The following CDH22 variants were observed in gnomAD, a reference collection of about 807,000 sequenced individuals.
The protein encoded by CDH22 is cadherin 22.
In CDH22, 30 loss-of-function variants were observed where a neutral mutation model predicts 58.4. The observed-to-expected ratio is 0.51, with a 90% CI of 0.38 to 0.70. CDH22 has a LOEUF of 0.70. CDH22 is among the 30% of genes least tolerant of loss of function. The probability of loss-of-function intolerance (pLI) is 0.00; values close to 1 mark genes in which losing one functional copy is unlikely to be tolerated. For synonymous variants in CDH22, 513 were observed against 558.2 expected (o/e 0.92, Z 1.14); for missense variants, 1,014 against 1,233.9 (o/e 0.82, Z 2.67).
intron 2 of CDH22, among the ~76,000 whole-genome samples, chr20:46,250,721 G>C (rs1445954008): frequency 1.3e-5 from 2 of 152,214 alleles, no homozygotes; most frequent in Non-Finnish European, 2.9e-5. Context: ...AAGCAGAGTG[G>C]AGCAGCTAGA....
At chr20:46,204,479 G>A (rs2085985555) in intron 7 of CDH22, among the ~76,000 whole-genome samples, 1 of 151,150 alleles carries the variant, frequency 6.6e-6, no homozygotes, top group Non-Finnish European at 1.5e-5. Context: ...TCGGACAAGT[G>A]ACTACCAAGA....
At chr20:46,182,648 G>A (rs894984212) in intron 10 of CDH22, among the ~76,000 whole-genome samples, 1 of 152,200 alleles carries the variant, frequency 6.6e-6, no homozygotes, top group Non-Finnish European at 1.5e-5. Flanking sequence ...GGCTTCAGTT[G>A]GGGAAGCCTC....
rs1006083266 is a variant in CDH22 at position 46,174,289 on chromosome 20, C to T, written c.*217G>A. The stretch of plus-strand genomic sequence containing the variant: ...GCCCGGTCTCGCCTCAGTTTTAATG[C>T]CGTTGGTCAGAATCCCGCACCTCTG... On this transcript the variant is annotated 3_prime_UTR_variant, in exon 12 of 12. Coordinates refer to ENST00000537909, the MANE Select transcript of CDH22 (RefSeq NM_021248.3). This position sits in a 1 kb window ranked among gnomAD's most constrained non-coding sequence, Gnocchi z 4.4. The T allele has an allele frequency of 1.9e-4, 96 of 506,700 alleles. No homozygotes were observed. The highest frequency in any genetic ancestry group is 2.3e-4 in the Non-Finnish European group (68 of 291,364). The allele number at this position is 506,700 out of a possible 1,614,324, so 31.4% of individuals were successfully genotyped here. A position where few individuals can be genotyped will look rare whatever the true frequency, so the allele number is the denominator to read the frequency against.
In CDH22 at chr20:46,216,719, C is replaced by T. The variant is rs1009019220; in HGVS notation, c.838+107G>A. On this transcript the variant is annotated intron_variant, in intron 5 of 11. Coordinates refer to ENST00000537909, the MANE Select transcript of CDH22 (RefSeq NM_021248.3). The surrounding 1 kb of genome is among the most constrained non-coding windows in gnomAD (Gnocchi z 5.3). ...GACAGACAGAAAGAGAGGGGGAAGC[C>T]CTTCTTTTGGTGGGAAGTCTAAAGG... is the stretch of plus-strand genomic sequence containing the variant. 7 of 1,056,318 alleles carry T rather than the reference C, an allele frequency of 6.6e-6. No homozygotes were observed. In the African/African-American group the frequency reaches 7.9e-5, roughly 12 times the overall value. The allele number at this position is 1,056,318 out of a possible 1,614,324, so 65.4% of individuals were successfully genotyped here. A position where few individuals can be genotyped will look rare whatever the true frequency, so the allele number is the denominator to read the frequency against.
intron 1 of CDH22, among the ~76,000 whole-genome samples, chr20:46,287,868 G>A (rs2086583165): frequency 6.6e-6 from 1 of 152,102 alleles, no homozygotes; most frequent in Admixed American, 6.5e-5. Context: ...CATGGGAGAG[G>A]AGGATGTTGT....
At chr20:46,194,216 A>G (rs1169307685) in intron 8 of CDH22, among the ~76,000 whole-genome samples, 3 of 151,976 alleles carry the variant, frequency 2.0e-5, no homozygotes, top group Non-Finnish European at 4.4e-5. Context: ...CTCGTTCATC[A>G]CTGGGTCTCA....
In CDH22 at chr20:46,174,676, A is replaced by C. The variant is rs2085722944; in HGVS notation, c.2317T>G (p.Tyr773Asp). The change falls in exon 12 of 12, where the codon TAC (tyrosine) becomes GAC (aspartate). Residue 773 changes from tyrosine (Y) to aspartate (D), a missense_variant. Transcript: ENST00000537909. The surrounding 1 kb of genome is among the most constrained non-coding windows in gnomAD (Gnocchi z 4.4). ...SVPPYDAFQT[Y>D]AFEGADSPAA... ...GGCGAGTCCGCGCCCTCGAAGGCGTAGGTCTGGAAGGCGTCGTAGGGCGGC... is the reference window on the plus strand; with the variant it reads ...GGCGAGTCCGCGCCCTCGAAGGCGTCGGTCTGGAAGGCGTCGTAGGGCGGC... 2.6e-6 allele frequency: 4 copies of C among 1,560,294 alleles called. No individual in the cohort carries two copies. Among genetic ancestry groups the C allele is most frequent in the East Asian group, 2.3e-5 (1 of 43,276 alleles).
chr20:46,224,824 A>G (rs1283315022), intron 4 of CDH22, among the ~76,000 whole-genome samples: 3 of 152,028 alleles, frequency 2.0e-5, no homozygotes, highest in Admixed American at 2.0e-4. Context: ...ATCTCAATCA[A>G]TCCTCACTAT....
At chr20:46,231,192 G>A (rs2086218759) in intron 3 of CDH22, among the ~76,000 whole-genome samples, 1 of 152,192 alleles carries the variant, frequency 6.6e-6, no homozygotes, top group African/African-American at 2.4e-5. Context: ...AAGGGCCTAG[G>A]TCCAGGCTGG....
intron 4 of CDH22, 45 bp from the exon 5 acceptor site, chr20:46,217,038 C>G (rs777721434): frequency 1.3e-6 from 2 of 1,552,248 alleles, no homozygotes; most frequent in South Asian, 1.1e-5. Flanking sequence ...ACACCACCTG[C>G]CCACTGATGT....
intron 3 of CDH22, among the ~76,000 whole-genome samples, chr20:46,233,650 C>G (rs1234917833): frequency 1.3e-5 from 2 of 152,276 alleles, no homozygotes; most frequent in South Asian, 4.1e-4. Context: ...AGAGAGTGCT[C>G]ATATTTGTTG....
In CDH22 at chr20:46,210,434, C is replaced by T. The variant is rs773738362; in HGVS notation, c.1159G>A (p.Asp387Asn). Residue 387 changes from aspartate to asparagine, a missense_variant, in exon 7 of 12, where the codon GAC becomes AAC. Asp to Asn is a conservative substitution (Grantham distance 23). Transcript: ENST00000537909. This position sits in a 1 kb window ranked among gnomAD's most constrained non-coding sequence, Gnocchi z 4.5. ...DQAIVRVAVT[D>N]VDEPPEFRPP... The stretch of plus-strand genomic sequence containing the variant: ...CGGAACTCGGGGGGCTCGTCCACGT[C>T]GGTCACGGCCACGCGCACGATCGCC... 3 of 1,451,896 alleles carry T rather than the reference C, an allele frequency of 2.1e-6. No homozygotes were observed. Among genetic ancestry groups the T allele is most frequent in the South Asian group, 1.5e-5 (1 of 68,744 alleles). 89.9% of individuals were successfully genotyped at this position (1,451,896 alleles called of 1,614,324 possible).
intron 1 of CDH22, among the ~76,000 whole-genome samples, chr20:46,285,005 C>G (rs1027542588): frequency 9.8e-5 from 15 of 152,338 alleles, no homozygotes; most frequent in African/African-American, 3.6e-4. Context: ...GACCCCCAAC[C>G]TGACCACTGT....
chr20:46,200,173 A>G (rs2085947361), intron 7 of CDH22, among the ~76,000 whole-genome samples: 1 of 150,000 alleles, frequency 6.7e-6, no homozygotes, highest in Admixed American at 6.7e-5. Context: ...ACGGGGTTTC[A>G]CCGTGTTAGC....
chr20:46,303,106 G>A (rs1222360391), intron 1 of CDH22, among the ~76,000 whole-genome samples: 2 of 152,212 alleles, frequency 1.3e-5, no homozygotes, highest in Non-Finnish European at 2.9e-5. Context: ...CTCCTTGTGT[G>A]GCTTTCAAGA....
chr20:46,303,006 G>A (rs550260058), intron 1 of CDH22, among the ~76,000 whole-genome samples: 1 of 152,194 alleles, frequency 6.6e-6, no homozygotes, highest in East Asian at 1.9e-4. Flanking sequence ...CCAGCAGCAG[G>A]ATGAGGCTTC....
chr20:46,283,451 G>C (rs1453273470), intron 1 of CDH22, among the ~76,000 whole-genome samples: 1 of 152,186 alleles, frequency 6.6e-6, no homozygotes, highest in Non-Finnish European at 1.5e-5. Flanking sequence ...GGATGAAGAG[G>C]GGGTGGAATC....
intron 8 of CDH22, among the ~76,000 whole-genome samples, chr20:46,198,311 CACACACACACACACACACACAT>C (rs1228102878): frequency 6.6e-6 from 1 of 151,080 alleles, no homozygotes; most frequent in African/African-American, 2.4e-5. Context: ...CACACACACA[CACACACACACACACACACACAT>C]ATTCTTCCAG....
At position 46,263,956 on chromosome 20, in the gene CDH22, C is replaced by G. The variant is rs144164678; in HGVS notation, c.-399-12263G>C. ...TCTGAGGAAGAGGGTGGTGGTGGCT[C>G]GGACCAGGGAGGCTGGCGTGGGATG... On this transcript the variant is annotated intron_variant, in intron 1 of 11. Coordinates refer to ENST00000537909, the MANE Select transcript of CDH22 (RefSeq NM_021248.3). 7.9e-5 allele frequency among the ~76,000 whole-genome samples: 12 copies of G among 152,076 alleles called. No individual in the cohort carries two copies. In the East Asian group the frequency reaches 2.3e-3, roughly 29 times the overall value.
Sources: gnomAD v4.1 joint callset for allele counts (sites outside exome capture counted in the v4.1 genomes callset) on GRCh38, gnomAD v4.1.1 for gene constraint, Gnocchi (gnomAD v3.1) non-coding constraint, MANE v1.5 for transcripts, NCBI Gene and HGNC (gene_info 2026-07-23, HGNC 2026-07-21) for gene names.